AKAP11: variants seen among roughly 807,000 people sequenced by gnomAD.
AKAP11 encodes the protein A-kinase anchor protein 11.
A neutral mutation model predicts 146.1 loss-of-function variants in AKAP11; 36 were observed. The ratio of observed to expected loss-of-function variants is 0.25; its 90% confidence interval spans 0.19 to 0.33. The LOEUF (loss-of-function observed/expected upper bound fraction) is 0.33, where lower values mean the gene tolerates loss of function less well. Among genes scored for constraint, AKAP11 ranks in the 10% least tolerant of loss-of-function variants. The pLI is 1.00. For synonymous variants in AKAP11, 780 were observed against 786.5 expected (o/e 0.99, Z 0.14); for missense variants, 2,201 against 2,197.0 (o/e 1.00, Z -0.04).
chr13:42,307,787 C>T (rs1386375808), intron 8 of AKAP11, among the ~76,000 whole-genome samples: 3 of 151,550 alleles, frequency 2.0e-5, no homozygotes, highest in African/African-American at 4.9e-5. Flanking sequence ...TGGTGGGAAG[C>T]CATTGGAAGG....
At position 42,312,991 on chromosome 13, in the gene AKAP11, G is replaced by T. The variant is rs567371983; in HGVS notation, c.5274-56G>T. 30 of 1,448,472 alleles carry T rather than the reference G, an allele frequency of 2.1e-5. No individual in the cohort carries two copies. In the African/African-American group the frequency reaches 3.9e-4, roughly 19 times the overall value. 89.7% of individuals were successfully genotyped at this position (1,448,472 alleles called of 1,614,324 possible). On this transcript the variant is annotated intron_variant, in intron 9 of 12. Coordinates refer to ENST00000025301, the MANE Select transcript of AKAP11 (RefSeq NM_016248.4). The stretch of plus-strand genomic sequence containing the variant: ...ACAGAAGCTGTTCCGAGGAAACAAA[G>T]GTCTTTTCTACTATTCATTTTCTAG...
rs1274844455 is a variant in AKAP11 at position 42,322,267 on chromosome 13, T to A, written c.*3039T>A. On this transcript the variant is annotated 3_prime_UTR_variant, in exon 13 of 13. Coordinates refer to ENST00000025301, the MANE Select transcript of AKAP11 (RefSeq NM_016248.4). ...ACTTTAATTTTGCTCCAACAAGGGC[T>A]TTATGTTGCTGGTAAGAGAATTTAT... The A allele has an allele frequency of 6.6e-6, 1 of 152,306 alleles. No individual in the cohort carries two copies. The highest frequency in any genetic ancestry group is 1.5e-5 in the Non-Finnish European group (1 of 67,986). 9.4% of individuals were successfully genotyped at this position (152,306 alleles called of 1,614,324 possible).
chr13:42,314,554 T>C (rs1291534782), intron 11 of AKAP11, among the ~76,000 whole-genome samples: 1 of 151,948 alleles, frequency 6.6e-6, no homozygotes, highest in African/African-American at 2.4e-5. Flanking sequence ...ATACAAAAGC[T>C]AAAATTCTTA....
Position 42,298,646 on chromosome 13 carries a change from C to A in AKAP11, c.465C>A (p.Thr155=). The change falls in exon 7 of 13, where the codon ACC becomes ACA. Residue 155 remains threonine (T), a synonymous_variant. Transcript: ENST00000025301. ...AATATGCTACTGGTATAAGGTACACCTTGGACACATTCTTGCATCAGAAGC... is the reference window on the plus strand; with the variant it reads ...AATATGCTACTGGTATAAGGTACACATTGGACACATTCTTGCATCAGAAGC... ...LSKYATGIRY[T]LDTFLHQKHQ... is the part of the protein sequence containing the mutation. 6.2e-7 allele frequency: 1 copy of A among 1,611,950 alleles called. No homozygotes were observed. Among genetic ancestry groups the A allele is most frequent in the Non-Finnish European group, 8.5e-7 (1 of 1,179,308 alleles).
chr13:42,300,886 A>G lies in AKAP11; in HGVS notation c.2140A>G (p.Thr714Ala), dbSNP rs148712037. Residue 714 changes from threonine (T) to alanine (A), a missense_variant, in exon 8 of 13, where the codon ACA (threonine) becomes GCA (alanine). Coordinates refer to ENST00000025301, the MANE Select transcript of AKAP11 (RefSeq NM_016248.4). ...ELSQVDVTFT[T>A]KAAVSVSTDN... ...ATCACAAGTTGATGTGACCTTTACAACAAAGGCAGCAGTTAGTGTCTCTAC... is the reference window on the plus strand; with the variant it reads ...ATCACAAGTTGATGTGACCTTTACAGCAAAGGCAGCAGTTAGTGTCTCTAC... The G allele has an allele frequency of 2.5e-6, 4 of 1,614,160 alleles. No homozygotes were observed. The highest frequency in any genetic ancestry group is 3.4e-6 in the Non-Finnish European group (4 of 1,179,988).
chr13:42,308,999 T>A (rs973378786), intron 9 of AKAP11, among the ~76,000 whole-genome samples: 4 of 152,186 alleles, frequency 2.6e-5, no homozygotes, highest in Non-Finnish European at 5.9e-5. Flanking sequence ...CCTGTACTTT[T>A]CCTGACATTA....
intron 8 of AKAP11, among the ~76,000 whole-genome samples, chr13:42,304,182 A>G (rs563817132): frequency 6.6e-6 from 1 of 152,352 alleles, no homozygotes; most frequent in Non-Finnish European, 1.5e-5. Flanking sequence ...AGAATTTTAT[A>G]TAGTAGTCCC....
chr13:42,310,530 C>T (rs1960503185), intron 9 of AKAP11, among the ~76,000 whole-genome samples: 1 of 152,054 alleles, frequency 6.6e-6, no homozygotes, highest in South Asian at 2.1e-4. Context: ...TTCTTTTCTG[C>T]TACAGAGATC....
Position 42,299,646 on chromosome 13 carries a change from G to A in AKAP11, c.900G>A (p.Ser300=), listed in dbSNP as rs9525605. ...GTGATTTACAGAAAACATTTTTTTCGTCTTCTCCTGCCTACTCATCTGAAT... is the reference window on the plus strand; with the variant it reads ...GTGATTTACAGAAAACATTTTTTTCATCTTCTCCTGCCTACTCATCTGAAT... The part of the protein sequence containing the change: ...KDSDLQKTFF[S]SSPAYSSESE... Residue 300 remains serine (S), a synonymous_variant, in exon 8 of 13, where the codon TCG becomes TCA. Coordinates refer to ENST00000025301, the MANE Select transcript of AKAP11 (RefSeq NM_016248.4). The A allele has an allele frequency of 0.052, 83,293 of 1,613,488 alleles. 2,440 individuals carry two copies. Among genetic ancestry groups the A allele is most frequent in the Non-Finnish European group, 0.06 (70,875 of 1,179,736 alleles).
In AKAP11 at chr13:42,286,035, G is replaced by T; in HGVS notation, c.-50G>T. The T allele has an allele frequency of 5.8e-6, 1 of 173,332 alleles. No individual in the cohort carries two copies. The highest frequency in any genetic ancestry group is 1.2e-5 in the Non-Finnish European group (1 of 82,380). The allele number at this position is 173,332 out of a possible 1,614,324, so 10.7% of individuals were successfully genotyped here. ...TAAAAAAGGGCAGTGAGATTGAATA[G>T]GTAAGGGTGTAAACTATTTTATAAT... On this transcript the variant is annotated splice_region_variant and 5_prime_UTR_variant, in exon 2 of 13. It adds an upstream start codon to the 5' untranslated region. Transcript: ENST00000025301.
Position 42,299,974 on chromosome 13 carries a change from G to T in AKAP11, c.1228G>T (p.Ala410Ser), listed in dbSNP as rs1221411587. The T allele has an allele frequency of 6.2e-7, 1 of 1,613,970 alleles. No homozygotes were observed. The highest frequency in any genetic ancestry group is 2.2e-5 in the East Asian group (1 of 44,882). Residue 410 changes from alanine (A) to serine (S), a missense_variant, in exon 8 of 13, where the codon GCT (alanine) becomes TCT (serine). This residue lies in a region of AKAP11 where 1,867 missense variants were observed against 1,833.5 expected (regional missense o/e 1.02). Transcript: ENST00000025301. ...CAAGTTTGATCGTCCAGCTCTCCCA[G>T]CTAATGTTAGAAAGCCAACTCCTCG... ...KFKFDRPALP[A>S]NVRKPTPRKP...
chr13:42,290,930 GACTATGCTCATTGCC>G (rs1391816203), intron 3 of AKAP11, among the ~76,000 whole-genome samples: 1 of 152,166 alleles, frequency 6.6e-6, no homozygotes, highest in Non-Finnish European at 1.5e-5. Context: ...GCTGGGTGCT[GACTATGCTCATTGCC>G]ACTGAAGGTC....
chr13:42,301,394 T>A lies in AKAP11; in HGVS notation c.2648T>A (p.Ile883Lys). 6.2e-7 allele frequency: 1 copy of A among 1,610,788 alleles called. No homozygotes were observed. Among genetic ancestry groups the A allele is most frequent in the Non-Finnish European group, 8.5e-7 (1 of 1,178,434 alleles). The change falls in exon 8 of 13, where the codon ATA becomes AAA. Residue 883 changes from isoleucine (I) to lysine (K), a missense_variant. Coordinates refer to ENST00000025301, the MANE Select transcript of AKAP11 (RefSeq NM_016248.4). ...TTTTCTGCAGCAGTGGTGCATACGA[T>A]AGTAAATGAAACTTTAGAGTCAATG... is the stretch of plus-strand genomic sequence containing the variant. ...SNFSAAVVHT[I>K]VNETLESMTS...
rs1388498126 is a variant in AKAP11 at position 42,302,844 on chromosome 13, G to T, written c.4098G>T (p.Gln1366His). The change falls in exon 8 of 13, where the codon CAG (glutamine) becomes CAT (histidine). Residue 1366 changes from glutamine to histidine, a missense_variant. Physicochemically the swap from Gln to His is conservative, Grantham distance 24 (BLOSUM62 0). This residue lies in a region of AKAP11 where 1,867 missense variants were observed against 1,833.5 expected (regional missense o/e 1.02). Coordinates refer to ENST00000025301, the MANE Select transcript of AKAP11 (RefSeq NM_016248.4). ...GTAATAGTGAGTTGATAATGGATCA[G>T]TATGCCAATAGGCTTGCCTACCGAT... ...EGGNSELIMD[Q>H]YANRLAYRSV... 2 of 1,614,072 alleles carry T rather than the reference G, an allele frequency of 1.2e-6. No homozygotes were observed. The highest frequency in any genetic ancestry group is 1.7e-6 in the Non-Finnish European group (2 of 1,180,010).
In AKAP11 at chr13:42,319,270, G is replaced by A; in HGVS notation, c.*42G>A. On this transcript the variant is annotated 3_prime_UTR_variant, in exon 13 of 13. Transcript: ENST00000025301. ...GTATATTTTAGTATTTGTTTGGGGAGGGGAACAAGCCAATAAAGATGTTTA... is the reference window on the plus strand; with the variant it reads ...GTATATTTTAGTATTTGTTTGGGGAAGGGAACAAGCCAATAAAGATGTTTA... 1.9e-6 allele frequency: 3 copies of A among 1,596,710 alleles called. No individual in the cohort carries two copies. Among genetic ancestry groups the A allele is most frequent in the Non-Finnish European group, 2.6e-6 (3 of 1,173,106 alleles).
At chr13:42,288,461 A>G (rs1959182354) in intron 3 of AKAP11, among the ~76,000 whole-genome samples, 1 of 152,198 alleles carries the variant, frequency 6.6e-6, no homozygotes, top group Non-Finnish European at 1.5e-5. Flanking sequence ...TATGATCATA[A>G]TGTTTCTTCA....
chr13:42,312,386 T>G (rs1282199029), intron 9 of AKAP11, among the ~76,000 whole-genome samples: 2 of 152,202 alleles, frequency 1.3e-5, no homozygotes, highest in Non-Finnish European at 2.9e-5. Context: ...ACTAGACAAG[T>G]GTAATGCTTG....
At chr13:42,310,635 G>C (rs1286003922) in intron 9 of AKAP11, among the ~76,000 whole-genome samples, 3 of 152,070 alleles carry the variant, frequency 2.0e-5, no homozygotes. Flanking sequence ...GGTGGGGGTG[G>C]ATCACTTGAG....
At chr13:42,285,070 A>G (rs1959139497) in intron 1 of AKAP11, among the ~76,000 whole-genome samples, 1 of 152,230 alleles carries the variant, frequency 6.6e-6, no homozygotes, top group Admixed American at 6.5e-5. Flanking sequence ...TACAATTTGA[A>G]CTTCACTAAA....
Sources: allele counts gnomAD v4.1 joint callset (sites outside exome capture counted in the v4.1 genomes callset), GRCh38; gene constraint gnomAD v4.1.1; regional missense constraint gnomAD v4.1.1; transcripts MANE v1.5; gene names NCBI Gene and HGNC (gene_info 2026-07-23, HGNC 2026-07-21).